MYO10: variants seen among roughly 807,000 people sequenced by gnomAD.
The protein encoded by MYO10 is unconventional myosin-X.
A neutral mutation model predicts 257.3 loss-of-function variants in MYO10; 133 were observed. The ratio of observed to expected loss-of-function variants is 0.52; its 90% CI spans 0.45 to 0.60. The LOEUF (loss-of-function observed/expected upper bound fraction) is 0.60, where lower values mean the gene tolerates loss of function less well. MYO10 is among the 20% of genes least tolerant of loss of function. The pLI is 0.00. For synonymous variants in MYO10, 1,104 were observed against 1,028.6 expected, an observed-to-expected ratio of 1.07 and a Z score of -1.40; for missense variants, 2,399 against 2,635.7, an observed-to-expected ratio of 0.91 and a Z score of 1.97.
chr5:16,772,135 C>CT (rs112723876), intron 9 of MYO10, among the ~76,000 whole-genome samples: 2,564 of 144,676 alleles, frequency 0.018, 58 homozygotes, highest in South Asian at 0.049. Flanking sequence ...ATATTGCATA[C>CT]TTTTTTTTTT....
At chr5:16,684,183 T>A (rs1737137048) in intron 29 of MYO10, among the ~76,000 whole-genome samples, 1 of 152,218 alleles carries the variant, frequency 6.6e-6, no homozygotes, top group Non-Finnish European at 1.5e-5. Flanking sequence ...AACCTTTCAA[T>A]AATTTATTTC....
At chr5:16,690,364 C>T (rs1443679642) in intron 27 of MYO10, among the ~76,000 whole-genome samples, 1 of 152,048 alleles carries the variant, frequency 6.6e-6, no homozygotes, top group Non-Finnish European at 1.5e-5. Context: ...GAACCCGTCA[C>T]CAAAAGACAT....
chr5:16,870,542 T>G lies in MYO10; in HGVS notation c.120+7067A>C, dbSNP rs1462218986. ...TGCACCACTCTAAATCAAAGGAAAA[T>G]TACACTAATAGTTTTGTAAACTCTT... On this transcript the variant is annotated intron_variant, in intron 2 of 40. Coordinates refer to ENST00000513610, the MANE Select transcript of MYO10 (RefSeq NM_012334.3). Among the ~76,000 whole-genome samples, 4 of 151,226 alleles carry G rather than the reference T, an allele frequency of 2.6e-5. 2 individuals carry two copies. The highest frequency in any genetic ancestry group is 9.8e-5 in the African/African-American group (4 of 40,670).
chr5:16,684,647 TTC>T (rs1483879917), intron 29 of MYO10, among the ~76,000 whole-genome samples: 1 of 152,246 alleles, frequency 6.6e-6, no homozygotes, highest in Non-Finnish European at 1.5e-5. Context: ...CTTACACTTC[TTC>T]TCCTAAGAAA....
At chr5:16,803,833 T>C (rs1415971626) in intron 3 of MYO10, among the ~76,000 whole-genome samples, 1 of 152,228 alleles carries the variant, frequency 6.6e-6, no homozygotes, top group Non-Finnish European at 1.5e-5. Flanking sequence ...CAATATTACT[T>C]ACTTATTAAT....
At chr5:16,915,851 G>A (rs566099646) in intron 1 of MYO10, among the ~76,000 whole-genome samples, 1 of 152,042 alleles carries the variant, frequency 6.6e-6, no homozygotes, top group Non-Finnish European at 1.5e-5. Flanking sequence ...CAGCTACTCA[G>A]GAGGCTGAGG....
intron 3 of MYO10, among the ~76,000 whole-genome samples, chr5:16,805,324 T>TG (rs1277991642): frequency 6.6e-6 from 1 of 151,666 alleles, no homozygotes; most frequent in Non-Finnish European, 1.5e-5. Flanking sequence ...TAGCCAGGCG[T>TG]GGTGGCGGAT....
Position 16,935,834 on chromosome 5 carries a change from C to G in MYO10, c.-26G>C. Reference sequence around the variant, plus strand: ...TGTTCCAGCGCAGTCCCGGACTCGCCGAGTGCCGCTCCGACTCGCGGAAGT... The same window carrying G: ...TGTTCCAGCGCAGTCCCGGACTCGCGGAGTGCCGCTCCGACTCGCGGAAGT... On this transcript the variant is annotated 5_prime_UTR_variant, in exon 1 of 41. Coordinates refer to ENST00000513610, the MANE Select transcript of MYO10 (RefSeq NM_012334.3). 6.2e-7 allele frequency: 1 copy of G among 1,612,096 alleles called. No homozygotes were observed. The highest frequency in any genetic ancestry group is 8.5e-7 in the Non-Finnish European group (1 of 1,179,352).
At position 16,681,896 on chromosome 5, in the gene MYO10, C is replaced by T. The variant is rs1246460462; in HGVS notation, c.4164G>A (p.Val1388=). ...CTCTCACGATGAATTCCTGGCCCTC[C>T]ACTCTGGTGTCCCCTTTGGACCTCT... is the stretch of plus-strand genomic sequence containing the variant. ...LLQRSKGDTR[V]EGQEFIVRGW... Residue 1388 remains valine (V), a synonymous_variant, in exon 31 of 41, where the codon GTG becomes GTA. Transcript: ENST00000513610. 6.2e-7 allele frequency: 1 copy of T among 1,613,978 alleles called. No homozygotes were observed. Among genetic ancestry groups the T allele is most frequent in the South Asian group, 1.1e-5 (1 of 91,086 alleles).
At chr5:16,915,192 T>A (rs748247463) in intron 1 of MYO10, among the ~76,000 whole-genome samples, 21 of 152,140 alleles carry the variant, frequency 1.4e-4, no homozygotes, top group Admixed American at 2.6e-4. Flanking sequence ...CTAAGGTATA[T>A]AGTGCAAGAC....
At chr5:16,687,098 G>A (rs1429616120) in intron 28 of MYO10, among the ~76,000 whole-genome samples, 1 of 151,928 alleles carries the variant, frequency 6.6e-6, no homozygotes, top group Non-Finnish European at 1.5e-5. Context: ...AAGGTGGGAG[G>A]ATGGCTTGAG....
chr5:16,701,448 T>C lies in MYO10; in HGVS notation c.2947A>G (p.Asn983Asp). 6.2e-7 allele frequency: 1 copy of C among 1,614,014 alleles called. No individual in the cohort carries two copies. Among genetic ancestry groups the C allele is most frequent in the Non-Finnish European group, 8.5e-7 (1 of 1,179,902 alleles). ...ESACEEKPNF[N>D]FSQPYPEEEV... Reference sequence around the variant, plus strand: ...TCCTCTGGGTAGGGCTGGCTGAAGTTGAAGTTGGGCTTCTCCTCGCATGCG... The same window carrying C: ...TCCTCTGGGTAGGGCTGGCTGAAGTCGAAGTTGGGCTTCTCCTCGCATGCG... The change falls in exon 25 of 41, where the codon AAC becomes GAC. Residue 983 changes from asparagine to aspartate, a missense_variant. Around this residue, in one of 3 missense-constraint regions of MYO10, gnomAD observed 1,820 missense variants for 1,939.4 expected, o/e 0.94. Transcript: ENST00000513610. This position sits in a 1 kb window ranked among gnomAD's most constrained non-coding sequence, Gnocchi z 8.1.
chr5:16,779,469 A>G, intron 9 of MYO10, 76 bp downstream of exon 9: 1 of 872,582 alleles, frequency 1.1e-6, no homozygotes, highest in Non-Finnish European at 1.7e-6. Context: ...AAATCTTTTG[A>G]AACCGAAAAT....
At chr5:16,768,403 CTTAA>C (rs1453598714) in intron 10 of MYO10, among the ~76,000 whole-genome samples, 1 of 152,092 alleles carries the variant, frequency 6.6e-6, no homozygotes, top group African/African-American at 2.4e-5. Flanking sequence ...AACAAAGGGA[CTTAA>C]TTAACCATTC....
At chr5:16,780,878 C>G (rs1285971520) in intron 6 of MYO10, 137 bp from the exon 7 acceptor site, 2 of 854,876 alleles carry the variant, frequency 2.3e-6, no homozygotes, top group Non-Finnish European at 3.6e-6. Context: ...CTTCCAGTGC[C>G]AACAGACAAG....
intron 19 of MYO10, chr5:16,742,281 G>T: frequency 1.0e-6 from 1 of 978,266 alleles, no homozygotes; most frequent in Non-Finnish European, 1.2e-6. Flanking sequence ...GAGCTCTGAT[G>T]AATAGTTTCC....
intron 19 of MYO10, among the ~76,000 whole-genome samples, chr5:16,752,337 C>T (rs1740400352): frequency 6.6e-6 from 1 of 152,136 alleles, no homozygotes. Context: ...GGCTGGAGTG[C>T]AGTGGCGTGA....
chr5:16,766,209 T>A lies in MYO10; in HGVS notation c.1061-11A>T, dbSNP rs560772607. 1.5e-4 allele frequency: 246 copies of A among 1,603,464 alleles called. No individual in the cohort carries two copies. The highest frequency in any genetic ancestry group is 1.3e-3 in the South Asian group (113 of 90,326). ...CAGATCTGCCCAAAGCTGCAGAGAA[T>A]AAGACAAAGGTGAATGAACCCACCG... On this transcript the variant is annotated splice_polypyrimidine_tract_variant and intron_variant, in intron 10 of 40. Transcript: ENST00000513610.
intron 19 of MYO10, among the ~76,000 whole-genome samples, chr5:16,725,078 C>CTTCTTT (rs1554039848): frequency 2.7e-5 from 2 of 74,936 alleles, no homozygotes; most frequent in African/African-American, 9.9e-5. Context: ...CCTTCTTCTT[C>CTTCTTT]TTTTTTTTTT....
Sources: allele counts gnomAD v4.1 joint callset (sites outside exome capture counted in the v4.1 genomes callset), GRCh38; gene constraint gnomAD v4.1.1; regional missense constraint gnomAD v4.1.1; non-coding constraint Gnocchi (gnomAD v3.1); transcripts MANE v1.5; gene names NCBI Gene and HGNC (gene_info 2026-07-23, HGNC 2026-07-21).